The following GPC3 variants were observed in gnomAD, a reference collection of about 807,000 sequenced individuals.
GPC3 encodes the protein glypican 3.
GPC3 carries 3 observed loss-of-function variants against 34.4 expected under a neutral mutation model. The observed-to-expected ratio is 0.09, with a 90% CI of 0.04 to 0.23. The LOEUF (loss-of-function observed/expected upper bound fraction) is 0.23. Among genes scored for constraint, GPC3 ranks in the 10% least tolerant of loss-of-function variants. The probability of loss-of-function intolerance (pLI) is 1.00; values close to 1 mark genes in which losing one functional copy is unlikely to be tolerated. For synonymous variants in GPC3, 177 were observed against 174.0 expected (o/e 1.02, Z -0.13); for missense variants, 351 against 445.6 (o/e 0.79, Z 1.91).
chrX:133,834,446 C>T (rs1450365739), intron 2 of GPC3, among the ~76,000 whole-genome samples: 1 of 111,537 alleles, frequency 9.0e-6, no homozygotes, highest in Non-Finnish European at 1.9e-5. Context: ...AAAATTTTAT[C>T]GAACACCTAC....
intron 2 of GPC3, among the ~76,000 whole-genome samples, chrX:133,884,201 C>T (rs1324779427): frequency 9.0e-6 from 1 of 111,507 alleles, no homozygotes. Context: ...AAAAGATGTG[C>T]AGCCACTTAA....
At chrX:133,623,160 G>A (rs1267961942) in intron 6 of GPC3, among the ~76,000 whole-genome samples, 1 of 111,872 alleles carries the variant, frequency 8.9e-6, no homozygotes, top group East Asian at 2.8e-4. Flanking sequence ...CCTGAAGGAA[G>A]CACTAAACAT....
intron 2 of GPC3, among the ~76,000 whole-genome samples, chrX:133,881,731 T>C (rs906990187): frequency 8.9e-6 from 1 of 112,230 alleles, no homozygotes. Context: ...GACAATATGC[T>C]GTAAACTCTA....
chrX:133,892,173 A>G (rs1475377817), intron 2 of GPC3, among the ~76,000 whole-genome samples: 1 of 111,671 alleles, frequency 9.0e-6, no homozygotes, highest in Non-Finnish European at 1.9e-5. Flanking sequence ...CTCATCTAAG[A>G]CATGTTACAT....
chrX:133,647,049 C>T lies in GPC3; in HGVS notation c.1413+14681G>A, dbSNP rs1359565006. Among the ~76,000 whole-genome samples the T allele has an allele frequency of 2.7e-5, 3 of 111,677 alleles. No homozygotes were observed. The East Asian group carries it at 8.4e-4, about 31-fold the overall frequency. On this transcript the variant is annotated intron_variant, in intron 6 of 7. Transcript: ENST00000370818. ...TGTACATACTTGAAAAGCAAAACCC[C>T]AAGGTAACATTTTGTAACTTTTTTG...
intron 2 of GPC3, among the ~76,000 whole-genome samples, chrX:133,853,170 T>C (rs750722869): frequency 1.2e-4 from 13 of 111,508 alleles, no homozygotes; most frequent in Non-Finnish European, 2.1e-4. Context: ...AGTTAACATG[T>C]CTCAGTTGTC....
chrX:133,740,780 TTTTTAAATAC>T (rs1020796572), intron 3 of GPC3, among the ~76,000 whole-genome samples: 2 of 111,801 alleles, frequency 1.8e-5, no homozygotes, highest in Admixed American at 9.5e-5. Flanking sequence ...TTTAAAGTAT[TTTTTAAATAC>T]TTTTAAATAC....
intron 3 of GPC3, 40 bp downstream of exon 3, chrX:133,753,442 T>G: frequency 9.1e-7 from 1 of 1,102,673 alleles, no homozygotes; most frequent in East Asian, 3.0e-5. Flanking sequence ...CTCACCCCAA[T>G]AAGGCCCAAA....
intron 2 of GPC3, among the ~76,000 whole-genome samples, chrX:133,909,173 C>G (rs753708306): frequency 8.9e-6 from 1 of 111,968 alleles, no homozygotes; most frequent in African/African-American, 3.2e-5. Flanking sequence ...TGGGCAGAGC[C>G]AAAAAACAGT....
At chrX:133,670,206 C>A (rs1489826928) in intron 5 of GPC3, among the ~76,000 whole-genome samples, 1 of 111,543 alleles carries the variant, frequency 9.0e-6, no homozygotes, top group Non-Finnish European at 1.9e-5. Flanking sequence ...AAATGTAGAT[C>A]ATTTGAAATG....
At chrX:133,570,214 G>A (rs1316842504) in intron 7 of GPC3, among the ~76,000 whole-genome samples, 2 of 104,915 alleles carry the variant, frequency 1.9e-5, no homozygotes, top group Admixed American at 1.0e-4. Context: ...TTGTTTTTGT[G>A]TTTTGAAACA....
intron 2 of GPC3, among the ~76,000 whole-genome samples, chrX:133,868,845 A>T (rs1441527707): frequency 2.7e-5 from 3 of 111,689 alleles, no homozygotes; most frequent in Non-Finnish European, 3.8e-5. Flanking sequence ...GCCACTGCCA[A>T]GTGGAACACA....
At chrX:133,932,704 T>C (rs1225147881) in intron 2 of GPC3, among the ~76,000 whole-genome samples, 1 of 111,493 alleles carries the variant, frequency 9.0e-6, no homozygotes, top group African/African-American at 3.3e-5. Flanking sequence ...TTGGGAGGCA[T>C]AGACCCCTTT....
At chrX:133,613,043 C>T (rs1487730150) in intron 6 of GPC3, among the ~76,000 whole-genome samples, 1 of 111,245 alleles carries the variant, frequency 9.0e-6, no homozygotes, top group Admixed American at 9.6e-5. Context: ...CTCCTATCTT[C>T]AAACTTTAAC....
chrX:133,582,741 C>G (rs759329600), intron 7 of GPC3, among the ~76,000 whole-genome samples: 21 of 111,530 alleles, frequency 1.9e-4, no homozygotes, highest in Non-Finnish European at 3.6e-4. Context: ...AACTCTGGGT[C>G]CTTCATCATA....
intron 3 of GPC3, among the ~76,000 whole-genome samples, chrX:133,713,449 T>C (rs1414772638): frequency 1.8e-5 from 2 of 112,131 alleles, no homozygotes; most frequent in African/African-American, 6.5e-5. Context: ...AAAAGTTAAT[T>C]TCATCAAATC....
intron 6 of GPC3, among the ~76,000 whole-genome samples, chrX:133,660,072 A>G (rs2070703004): frequency 8.9e-6 from 1 of 112,039 alleles, no homozygotes; most frequent in Admixed American, 9.5e-5. Flanking sequence ...CAGCACTAAC[A>G]GCTATTTATT....
At chrX:133,951,047 A>AGTGTGTGTGTGTGTGTGT (rs373690687) in intron 2 of GPC3, among the ~76,000 whole-genome samples, 5 of 76,695 alleles carry the variant, frequency 6.5e-5, no homozygotes, top group Admixed American at 1.6e-4. Context: ...AATTCAAGAA[A>AGTGTGTGTGTGTGTGTGT]GTGTGTGTGT....
At chrX:133,976,959 A>G (rs1346018311) in intron 1 of GPC3, among the ~76,000 whole-genome samples, 2 of 108,882 alleles carry the variant, frequency 1.8e-5, no homozygotes, top group Non-Finnish European at 3.8e-5. Flanking sequence ...ATAAATAAAT[A>G]AATAAATGAG....
Sources: allele counts gnomAD v4.1 joint callset (sites outside exome capture counted in the v4.1 genomes callset), GRCh38; gene constraint gnomAD v4.1.1; transcripts MANE v1.5; gene names NCBI Gene and HGNC (gene_info 2026-07-23, HGNC 2026-07-21).